The following CDH2 variants were observed in gnomAD, a reference collection of about 807,000 sequenced individuals.
CDH2 encodes cadherin-2.
Under a neutral mutation model 92.0 loss-of-function variants are expected in CDH2, and 17 were observed. That is an observed-to-expected ratio of 0.18 (90% CI 0.13 to 0.28). The LOEUF (loss-of-function observed/expected upper bound fraction) is 0.28, where lower values mean the gene tolerates loss of function less well. Among genes scored for constraint, CDH2 ranks in the 10% least tolerant of loss-of-function variants. The pLI is 1.00. For missense variants in CDH2, 862 were observed against 1,133.1 expected, an observed-to-expected ratio of 0.76 and a Z score of 3.44; for synonymous variants, 419 against 415.9, an observed-to-expected ratio of 1.01 and a Z score of -0.09.
In CDH2 at chr18:28,153,996, T is replaced by C. The variant is rs371616592; in HGVS notation, c.61-6212A>G. On this transcript the variant is annotated intron_variant, in intron 1 of 15. Transcript: ENST00000269141. ...TAAAACAGACTCTCAAGAGGCATGA[T>C]GGATAAATCTGTGTATTTAACAAGT... 5.0e-4 allele frequency among the ~76,000 whole-genome samples: 76 copies of C among 152,316 alleles called. 1 individual carries two copies. In the South Asian group the frequency reaches 0.013, roughly 26 times the overall value.
intron 2 of CDH2, among the ~76,000 whole-genome samples, chr18:28,088,388 T>C (rs2014975734): frequency 6.6e-6 from 1 of 152,222 alleles, no homozygotes; most frequent in South Asian, 2.1e-4. Flanking sequence ...TGAGTTTTAA[T>C]GTTAATTTAT....
chr18:28,080,438 C>G (rs1264219696), intron 2 of CDH2, among the ~76,000 whole-genome samples: 1 of 152,060 alleles, frequency 6.6e-6, no homozygotes, highest in Non-Finnish European at 1.5e-5. Context: ...AGCTGCCTCG[C>G]CTTCTAAATT....
At chr18:28,107,684 C>T (rs1338155688) in intron 2 of CDH2, among the ~76,000 whole-genome samples, 1 of 151,820 alleles carries the variant, frequency 6.6e-6, no homozygotes, top group Admixed American at 6.6e-5. Flanking sequence ...ACAGAGCATA[C>T]CAGGAAAGAG....
chr18:27,953,905 T>G (rs542833730), intron 15 of CDH2, among the ~76,000 whole-genome samples: 8 of 152,144 alleles, frequency 5.3e-5, no homozygotes, highest in Non-Finnish European at 8.8e-5. Context: ...ATGTCCTGCC[T>G]TGGGATTTGA....
At chr18:28,061,316 G>A (rs2014397951) in intron 2 of CDH2, among the ~76,000 whole-genome samples, 1 of 152,118 alleles carries the variant, frequency 6.6e-6, no homozygotes, top group Non-Finnish European at 1.5e-5. Flanking sequence ...TGTTTATTAA[G>A]TGTACTTCCC....
intron 7 of CDH2, 122 bp downstream of exon 7, chr18:28,002,875 A>C: frequency 2.2e-6 from 2 of 924,816 alleles, no homozygotes; most frequent in Non-Finnish European, 3.4e-6. Flanking sequence ...ACTTAATGAA[A>C]ACGATTAGCA....
intron 1 of CDH2, among the ~76,000 whole-genome samples, chr18:28,159,749 G>A (rs2628604): frequency 0.042 from 6,285 of 150,398 alleles, 169 homozygotes; most frequent in South Asian, 0.092. Context: ...CTTTGCCTCC[G>A]CAGCTCAAGC....
At chr18:28,103,392 CATATAT>C (rs953743135) in intron 2 of CDH2, among the ~76,000 whole-genome samples, 1 of 142,386 alleles carries the variant, frequency 7.0e-6, no homozygotes, top group African/African-American at 2.6e-5. Context: ...ATATAAAGTA[CATATAT>C]ATAAAGTATG....
intron 14 of CDH2, among the ~76,000 whole-genome samples, chr18:27,965,584 T>C (rs2011512899): frequency 6.6e-6 from 1 of 152,228 alleles, no homozygotes; most frequent in South Asian, 2.1e-4. Flanking sequence ...AAAAAACACC[T>C]TGATCTTGCA....
chr18:27,965,237 ACAC>A (rs2011505408), intron 14 of CDH2, among the ~76,000 whole-genome samples: 1 of 152,212 alleles, frequency 6.6e-6, no homozygotes, highest in South Asian at 2.1e-4. Context: ...GATCCTGGCA[ACAC>A]TCTCCCTGAA....
intron 2 of CDH2, among the ~76,000 whole-genome samples, chr18:28,134,192 C>A (rs1259995584): frequency 6.7e-6 from 1 of 149,116 alleles, no homozygotes; most frequent in Non-Finnish European, 1.5e-5. Context: ...ATCACTTGAA[C>A]CCAGGAGGCA....
chr18:28,085,493 A>C (rs11083248), intron 2 of CDH2, among the ~76,000 whole-genome samples: 2 of 151,998 alleles, frequency 1.3e-5, no homozygotes, highest in Non-Finnish European at 2.9e-5. Flanking sequence ...CATCATTCCC[A>C]TATCATGGCT....
chr18:28,100,063 C>T (rs1026687710), intron 2 of CDH2, among the ~76,000 whole-genome samples: 1 of 152,114 alleles, frequency 6.6e-6, no homozygotes, highest in African/African-American at 2.4e-5. Flanking sequence ...TTACAAAGTA[C>T]TGTTTGGGGC....
intron 13 of CDH2, among the ~76,000 whole-genome samples, chr18:27,984,290 A>G (rs959342921): frequency 1.3e-5 from 2 of 152,252 alleles, no homozygotes; most frequent in African/African-American, 2.4e-5. Context: ...GCTATTCACA[A>G]TAAAACACAG....
At chr18:28,172,997 G>T (rs888731386) in intron 1 of CDH2, among the ~76,000 whole-genome samples, 2 of 152,076 alleles carry the variant, frequency 1.3e-5, no homozygotes, top group Non-Finnish European at 2.9e-5. Flanking sequence ...AGGCACAACA[G>T]ATTTAAGAAT....
intron 2 of CDH2, among the ~76,000 whole-genome samples, chr18:28,123,096 G>T (rs543742146): frequency 1.8e-3 from 276 of 152,188 alleles, no homozygotes; most frequent in African/African-American, 6.4e-3. Flanking sequence ...TGATACAAGT[G>T]TTAGAAAGCT....
At chr18:28,145,927 G>A (rs1188868551) in intron 2 of CDH2, among the ~76,000 whole-genome samples, 1 of 151,920 alleles carries the variant, frequency 6.6e-6, no homozygotes, top group African/African-American at 2.4e-5. Context: ...TCTCACTGAT[G>A]GCTAGAGCAC....
At chr18:27,960,700 G>C (rs939972497) in intron 15 of CDH2, among the ~76,000 whole-genome samples, 7 of 152,194 alleles carry the variant, frequency 4.6e-5, no homozygotes, top group Non-Finnish European at 1.0e-4. Context: ...GTGATTTGCT[G>C]AATGGATGAT....
intron 8 of CDH2, 79 bp from the exon 9 acceptor site, chr18:27,992,919 G>A (rs2012468812): frequency 7.3e-6 from 7 of 957,920 alleles, no homozygotes; most frequent in Non-Finnish European, 1.1e-5. Context: ...CACACCGTCC[G>A]ATTTTACTGC....
Sources: allele counts gnomAD v4.1 joint callset (sites outside exome capture counted in the v4.1 genomes callset), GRCh38; gene constraint gnomAD v4.1.1; transcripts MANE v1.5; gene names NCBI Gene and HGNC (gene_info 2026-07-23, HGNC 2026-07-21).